Variants in NOTCH2 observed in about 807,000 individuals in gnomAD.
NOTCH2 encodes notch receptor 2.
Under a neutral mutation model 235.8 loss-of-function variants are expected in NOTCH2, and 29 were observed. The observed-to-expected ratio is 0.12, with a 90% CI of 0.09 to 0.17. The LOEUF (loss-of-function observed/expected upper bound fraction) is 0.17, where lower values mean the gene tolerates loss of function less well. NOTCH2 is among the 10% of genes least tolerant of loss of function. The pLI, the probability that NOTCH2 is intolerant of heterozygous loss-of-function variation, is 1.00. For missense variants in NOTCH2, 2,285 were observed against 3,150.2 expected (o/e 0.73, Z 6.57); for synonymous variants, 1,086 against 1,141.5 (o/e 0.95, Z 0.98).
chr1:119,938,474 A>G (rs587624872), intron 19 of NOTCH2, among the ~76,000 whole-genome samples: 1 of 152,344 alleles, frequency 6.6e-6, no homozygotes, highest in Non-Finnish European at 1.5e-5. Flanking sequence ...CATGAGTAAT[A>G]GCAGTCCTAG....
At chr1:119,961,139 C>T (rs1650921768) in intron 11 of NOTCH2, among the ~76,000 whole-genome samples, 1 of 152,288 alleles carries the variant, frequency 6.6e-6, no homozygotes, top group East Asian at 1.9e-4. Flanking sequence ...CACAGTGCCA[C>T]CATTAGGGCA....
intron 17 of NOTCH2, among the ~76,000 whole-genome samples, chr1:119,947,616 A>G (rs768470346): frequency 1.3e-4 from 20 of 152,332 alleles, no homozygotes; most frequent in African/African-American, 4.6e-4. Context: ...AAAAAGTGAA[A>G]CATACACTTA....
At chr1:119,916,835 G>C (rs587744794) in intron 33 of NOTCH2, 141 bp from the exon 34 acceptor site, 2 of 836,666 alleles carry the variant, frequency 2.4e-6, no homozygotes, top group East Asian at 2.6e-5. Context: ...CCACAGATAG[G>C]CTGTGCCTCT....
chr1:119,944,392 G>A (rs369354006), intron 17 of NOTCH2, among the ~76,000 whole-genome samples: 22 of 152,044 alleles, frequency 1.4e-4, no homozygotes, highest in South Asian at 2.1e-4. Flanking sequence ...AAAATCAGCC[G>A]GGCGTGGTGG....
chr1:119,999,923 G>T (rs1212692511), intron 3 of NOTCH2, among the ~76,000 whole-genome samples: 1 of 63,778 alleles, frequency 1.6e-5, no homozygotes, highest in Non-Finnish European at 3.3e-5. Flanking sequence ...GAGAGAGAAA[G>T]AAAGAAAGAA....
intron 25 of NOTCH2, 66 bp from the exon 26 acceptor site, chr1:119,924,050 T>G: frequency 7.3e-7 from 1 of 1,374,540 alleles, no homozygotes; most frequent in Non-Finnish European, 1.0e-6. Context: ...ATTTGCTTTT[T>G]CATTTGGAAC....
intron 5 of NOTCH2, among the ~76,000 whole-genome samples, chr1:119,980,054 T>G (rs587701191): frequency 1.3e-5 from 2 of 152,204 alleles, no homozygotes; most frequent in African/African-American, 4.8e-5. Context: ...TTTCCTCTCC[T>G]GTCTCGCATG....
At chr1:119,937,791 T>A in intron 20 of NOTCH2, 66 bp downstream of exon 20, 1 of 1,586,098 alleles carries the variant, frequency 6.3e-7, no homozygotes, top group South Asian at 1.1e-5. Context: ...AATGATACCT[T>A]CTCTAAATGC....
intron 9 of NOTCH2, 115 bp from the exon 10 acceptor site, chr1:119,965,681 C>T (rs1651108821): frequency 2.5e-6 from 2 of 799,212 alleles, no homozygotes; most frequent in African/African-American, 3.4e-5. Flanking sequence ...TAAGCCTATG[C>T]TTTATTATTC....
At chr1:120,001,335 C>G (rs1359137856) in intron 3 of NOTCH2, among the ~76,000 whole-genome samples, 1 of 151,940 alleles carries the variant, frequency 6.6e-6, no homozygotes, top group East Asian at 1.9e-4. Context: ...TAGTCTTTCG[C>G]CCCTACACCC....
At chr1:119,973,775 G>A (rs1330054411) in intron 5 of NOTCH2, among the ~76,000 whole-genome samples, 2 of 152,150 alleles carry the variant, frequency 1.3e-5, no homozygotes, top group South Asian at 2.1e-4. Flanking sequence ...TACGGTCATT[G>A]AGCTTATCCC....
At chr1:119,989,501 G>A (rs1184185688) in intron 4 of NOTCH2, among the ~76,000 whole-genome samples, 2 of 151,940 alleles carry the variant, frequency 1.3e-5, no homozygotes, top group African/African-American at 4.8e-5. Flanking sequence ...AAACATTTGG[G>A]CTGAAAAGTA....
intron 1 of NOTCH2, among the ~76,000 whole-genome samples, chr1:120,047,771 T>TG (rs1397338251): frequency 1.4e-5 from 2 of 139,754 alleles, no homozygotes; most frequent in African/African-American, 5.8e-5. Flanking sequence ...CTTGGTTTTT[T>TG]TTTTTTTTTT....
intron 12 of NOTCH2, 103 bp downstream of exon 12, chr1:119,959,289 T>A (rs2101130379): frequency 1.3e-6 from 1 of 757,118 alleles, no homozygotes; most frequent in Non-Finnish European, 2.4e-6. Context: ...CCCTCCAGAG[T>A]GACAAAGAAA....
rs1648937971 is a variant in NOTCH2 at position 119,912,939 on chromosome 1, A to C, written c.*2367T>G. On this transcript the variant is annotated 3_prime_UTR_variant, in exon 34 of 34. Transcript: ENST00000256646. ...TCCAAATTAAAGTAGTCCAAGAAAA[A>C]GAAACAAGCAATTTGGTCTGACATT... is the stretch of plus-strand genomic sequence containing the variant. 1.3e-5 allele frequency: 3 copies of C among 233,378 alleles called. No individual in the cohort carries two copies. Among genetic ancestry groups the C allele is most frequent in the South Asian group, 1.8e-4 (1 of 5,528 alleles). 14.5% of individuals were successfully genotyped at this position (233,378 alleles called of 1,614,324 possible).
intron 5 of NOTCH2, among the ~76,000 whole-genome samples, chr1:119,979,989 C>T (rs1308960988): frequency 4.6e-5 from 7 of 152,108 alleles, no homozygotes; most frequent in African/African-American, 7.2e-5. Context: ...CTGTCGTTCT[C>T]GTGGACCAAT....
rs143195893 is a variant in NOTCH2 at position 120,005,472 on chromosome 1, C to A, written c.272G>T (p.Arg91Leu). 16,165 of 1,613,742 alleles carry A rather than the reference C, an allele frequency of 0.01. 134 individuals carry two copies. The highest frequency in any genetic ancestry group is 0.011 in the Non-Finnish European group (12,930 of 1,179,816). The part of the protein sequence containing the change: ...AQAMLGKATC[R>L]CASGFTGEDC... ...CTCTCCTGTAAACCCTGAGGCACAT[C>A]GGCACGTGGCTTTCCCCAGCATGGC... The change falls in exon 3 of 34, where the codon CGA becomes CTA. Residue 91 changes from arginine to leucine, a missense_variant. Physicochemically the swap from Arg to Leu is moderately radical, Grantham distance 102. Transcript: ENST00000256646.
At chr1:119,952,087 A>G (rs1046347165) in intron 14 of NOTCH2, among the ~76,000 whole-genome samples, 8 of 152,244 alleles carry the variant, frequency 5.3e-5, no homozygotes, top group African/African-American at 1.9e-4. Flanking sequence ...ATCAATGAAT[A>G]AATAGACAGA....
chr1:120,002,393 C>T (rs1333815511), intron 3 of NOTCH2, among the ~76,000 whole-genome samples: 2 of 150,662 alleles, frequency 1.3e-5, no homozygotes, highest in Non-Finnish European at 3.0e-5. Context: ...TCATGGAATA[C>T]AGGAGATCCA....
Sources: allele counts gnomAD v4.1 joint callset (sites outside exome capture counted in the v4.1 genomes callset), GRCh38; gene constraint gnomAD v4.1.1; transcripts MANE v1.5; gene names NCBI Gene and HGNC (gene_info 2026-07-23, HGNC 2026-07-21).